EEFSEC: variants seen among roughly 807,000 people sequenced by gnomAD.
The protein encoded by EEFSEC is selenocysteine-specific elongation factor.
EEFSEC carries 43 observed loss-of-function variants against 42.1 expected under a neutral mutation model. The ratio of observed to expected loss-of-function variants is 1.02; its 90% CI spans 0.80 to 1.32. The LOEUF (loss-of-function observed/expected upper bound fraction) is 1.32. Ranked by LOEUF, EEFSEC falls within the 40% of genes most tolerant of loss-of-function variation. EEFSEC has a pLI of 0.00. For synonymous variants in EEFSEC, 354 were observed against 339.1 expected (o/e 1.04, Z -0.48); for missense variants, 745 against 803.6 (o/e 0.93, Z 0.88).
intron 6 of EEFSEC, among the ~76,000 whole-genome samples, chr3:128,380,040 C>T (rs888604686): frequency 2.0e-5 from 3 of 152,190 alleles, no homozygotes; most frequent in Admixed American, 6.5e-5. Flanking sequence ...GAGCAAGGTG[C>T]GATTATTGGT....
intron 6 of EEFSEC, among the ~76,000 whole-genome samples, chr3:128,384,627 T>G (rs1460330356): frequency 6.6e-6 from 1 of 152,024 alleles, no homozygotes; most frequent in African/African-American, 2.4e-5. Context: ...AGGCCTGAGG[T>G]GGCTGTACCC....
At chr3:128,257,896 G>A (rs145661631) in intron 2 of EEFSEC, among the ~76,000 whole-genome samples, 2 of 152,342 alleles carry the variant, frequency 1.3e-5, no homozygotes, top group East Asian at 3.9e-4. Context: ...CAGAGGGAGT[G>A]CAGAGCGTTG....
intron 6 of EEFSEC, among the ~76,000 whole-genome samples, chr3:128,383,417 G>A (rs1482826192): frequency 6.6e-6 from 1 of 152,264 alleles, no homozygotes; most frequent in Non-Finnish European, 1.5e-5. Flanking sequence ...GCCAGCCGCT[G>A]TTCTAAGCAC....
At chr3:128,165,134 G>A (rs554742352) in intron 1 of EEFSEC, among the ~76,000 whole-genome samples, 1 of 152,288 alleles carries the variant, frequency 6.6e-6, no homozygotes, top group South Asian at 2.1e-4. Context: ...GGCTCTTGCT[G>A]CATCCTCCCA....
intron 2 of EEFSEC, among the ~76,000 whole-genome samples, chr3:128,248,297 G>GTAGAGA (rs995934842): frequency 4.3e-4 from 65 of 152,328 alleles, no homozygotes; most frequent in African/African-American, 1.4e-3. Flanking sequence ...GGGCAAGCAA[G>GTAGAGA]TAGAGAGCGT....
intron 4 of EEFSEC, among the ~76,000 whole-genome samples, chr3:128,294,616 A>T (rs1167103136): frequency 1.3e-5 from 2 of 152,184 alleles, no homozygotes; most frequent in African/African-American, 4.8e-5. Context: ...AAGGAAGTAG[A>T]GCACCTGTAC....
intron 6 of EEFSEC, among the ~76,000 whole-genome samples, chr3:128,385,296 G>A (rs369312894): frequency 1.7e-3 from 256 of 152,320 alleles, no homozygotes; most frequent in Middle Eastern, 0.01. Flanking sequence ...AGAGTAGCCC[G>A]ACTGGGGGAC....
intron 4 of EEFSEC, among the ~76,000 whole-genome samples, chr3:128,297,708 C>T (rs2066722108): frequency 6.6e-6 from 1 of 152,160 alleles, no homozygotes; most frequent in Non-Finnish European, 1.5e-5. Flanking sequence ...ATGCCTTGTT[C>T]CCACTGGCTC....
At chr3:128,395,425 C>T (rs757221650) in intron 6 of EEFSEC, among the ~76,000 whole-genome samples, 1 of 152,222 alleles carries the variant, frequency 6.6e-6, no homozygotes, top group East Asian at 1.9e-4. Context: ...AGCTTCCTTC[C>T]TCCTCCTCCT....
intron 1 of EEFSEC, among the ~76,000 whole-genome samples, chr3:128,197,986 C>A (rs1490325700): frequency 6.6e-6 from 1 of 152,164 alleles, no homozygotes; most frequent in Non-Finnish European, 1.5e-5. Flanking sequence ...AATCTTTAAG[C>A]CTTTATTCCC....
At chr3:128,349,313 C>T (rs777424552) in intron 5 of EEFSEC, among the ~76,000 whole-genome samples, 2 of 152,142 alleles carry the variant, frequency 1.3e-5, no homozygotes, top group Non-Finnish European at 2.9e-5. Context: ...AGGGCCGGCC[C>T]AGGCAGCCTA....
intron 1 of EEFSEC, among the ~76,000 whole-genome samples, chr3:128,166,993 G>A (rs754473081): frequency 3.9e-5 from 6 of 152,106 alleles, no homozygotes; most frequent in Non-Finnish European, 7.4e-5. Context: ...TGGCATAAAG[G>A]CTTAACTAAG....
chr3:128,263,321 G>T (rs985734021), intron 3 of EEFSEC, among the ~76,000 whole-genome samples: 3 of 152,350 alleles, frequency 2.0e-5, no homozygotes, highest in South Asian at 2.1e-4. Flanking sequence ...CAGGTTGATC[G>T]CTGGGGTCAG....
intron 4 of EEFSEC, among the ~76,000 whole-genome samples, chr3:128,287,339 A>T (rs2066596644): frequency 6.6e-6 from 1 of 152,028 alleles, no homozygotes; most frequent in African/African-American, 2.4e-5. Flanking sequence ...AAGGAATGAG[A>T]TCAAGAATGG....
intron 1 of EEFSEC, among the ~76,000 whole-genome samples, chr3:128,238,906 G>A (rs994543865): frequency 2.0e-5 from 3 of 152,200 alleles, no homozygotes; most frequent in African/African-American, 4.8e-5. Context: ...TCTGGTCCAC[G>A]TGGTATGGCA....
intron 5 of EEFSEC, 73 bp downstream of exon 5, chr3:128,341,962 CTG>C: frequency 1.3e-6 from 2 of 1,535,388 alleles, no homozygotes; most frequent in South Asian, 2.6e-5. Context: ...GGCCTGACAT[CTG>C]TGATGAGAGC....
At chr3:128,293,972 G>T (rs1490653238) in intron 4 of EEFSEC, among the ~76,000 whole-genome samples, 3 of 152,216 alleles carry the variant, frequency 2.0e-5, no homozygotes, top group African/African-American at 7.2e-5. Flanking sequence ...CACACACAAA[G>T]GTGGCTGCTT....
intron 4 of EEFSEC, among the ~76,000 whole-genome samples, chr3:128,320,448 A>T (rs954558662): frequency 6.6e-6 from 1 of 152,240 alleles, no homozygotes; most frequent in African/African-American, 2.4e-5. Context: ...GATTATCTCA[A>T]TGTAACCTCA....
intron 1 of EEFSEC, among the ~76,000 whole-genome samples, chr3:128,203,500 C>T (rs965405808): frequency 6.6e-6 from 1 of 152,160 alleles, no homozygotes; most frequent in Admixed American, 6.5e-5. Context: ...CCCTTGTGTG[C>T]GGGCACTGGG....
Sources: gnomAD v4.1 joint callset for allele counts (sites outside exome capture counted in the v4.1 genomes callset) on GRCh38, gnomAD v4.1.1 for gene constraint, MANE v1.5 for transcripts, NCBI Gene and HGNC (gene_info 2026-07-23, HGNC 2026-07-21) for gene names.